DLGAP3: variants seen among roughly 807,000 people sequenced by gnomAD.
DLGAP3 encodes DLG associated protein 3, also known as disks large-associated protein 3.
Under a neutral mutation model 81.2 loss-of-function variants are expected in DLGAP3, and 17 were observed. That is an observed-to-expected ratio of 0.21 (90% CI 0.14 to 0.31). The LOEUF is 0.31. Among genes scored for constraint, DLGAP3 ranks in the 10% least tolerant of loss-of-function variants. DLGAP3 has a pLI of 1.00. For synonymous variants in DLGAP3, 577 were observed against 587.4 expected, an observed-to-expected ratio of 0.98 and a Z score of 0.26; for missense variants, 1,124 against 1,388.0, an observed-to-expected ratio of 0.81 and a Z score of 3.02.
In DLGAP3 at chr1:34,886,157, C is replaced by T. The variant is rs1425546348; in HGVS notation, c.1515G>A (p.Arg505=). 5 of 1,609,960 alleles carry T rather than the reference C, an allele frequency of 3.1e-6. No homozygotes were observed. Among genetic ancestry groups the T allele is most frequent in the Non-Finnish European group, 4.2e-6 (5 of 1,178,916 alleles). Residue 505 remains arginine, a synonymous_variant, in exon 6 of 12, where the codon CGG becomes CGA. Transcript: ENST00000373347. ...CTTGAGAGCAGCCGGCCTGGATGGC[C>T]CGGAGGTAGCTGTGGCTCCGCATGC... ...CFRMRSHSYL[R]AIQAGCSQDD... is the part of the protein sequence containing the mutation.
At chr1:34,906,369 C>T (rs1296241475) in intron 2 of DLGAP3, among the ~76,000 whole-genome samples, 1 of 151,986 alleles carries the variant, frequency 6.6e-6, no homozygotes, top group East Asian at 1.9e-4. Context: ...GCCTCAGGGT[C>T]ACAGCTCCCA....
intron 8 of DLGAP3, among the ~76,000 whole-genome samples, chr1:34,884,095 T>G (rs1481730554): frequency 6.6e-6 from 1 of 151,992 alleles, no homozygotes; most frequent in African/African-American, 2.4e-5. Flanking sequence ...ATTTTTGTAT[T>G]TTTAGTAGAG....
rs530949578 is a variant in DLGAP3, at chr1:34,886,361, G to A, written c.1387-76C>T. 5.4e-5 allele frequency: 73 copies of A among 1,359,660 alleles called. 2 individuals are homozygous for A. In the Admixed American group the frequency reaches 9.2e-4, roughly 17 times the overall value. The allele number at this position is 1,359,660 out of a possible 1,614,324, so 84.2% of individuals were successfully genotyped here. The stretch of plus-strand genomic sequence containing the variant: ...GAAGTCCCTGGGGTGCTCTGCCTTA[G>A]GGGAAGACCTCTCTATATCTGCAGA... On this transcript the variant is annotated intron_variant, in intron 5 of 11. Coordinates refer to ENST00000373347, the MANE Select transcript of DLGAP3 (RefSeq NM_001080418.3).
Position 34,885,716 on chromosome 1 carries a change from T to C in DLGAP3, c.1676A>G (p.Gln559Arg), listed in dbSNP as rs770643590. Residue 559 changes from glutamine to arginine, a missense_variant, in exon 7 of 12, where the codon CAG becomes CGG. Coordinates refer to ENST00000373347, the MANE Select transcript of DLGAP3 (RefSeq NM_001080418.3). ...QAPPRISITA[Q>R]SSTDSAHESF... ...CTCGTGCGCGGAGTCGGTGCTGCTC[T>C]GGGCGGTGATGGAGATGCGGGGCGG... The C allele has an allele frequency of 7.7e-6, 11 of 1,420,364 alleles. No individual in the cohort carries two copies. Among genetic ancestry groups the C allele is most frequent in the Non-Finnish European group, 1.0e-5 (11 of 1,096,128 alleles). 88.0% of individuals were successfully genotyped at this position (1,420,364 alleles called of 1,614,324 possible).
intron 8 of DLGAP3, among the ~76,000 whole-genome samples, chr1:34,879,304 T>C (rs766281289): frequency 9.2e-5 from 14 of 152,148 alleles, no homozygotes; most frequent in Non-Finnish European, 1.5e-4. Context: ...GGGAGACAGA[T>C]TATCAAACAT....
chr1:34,885,817 A>C (rs1639216557), intron 6 of DLGAP3, 26 bp from the exon 7 acceptor site: 1 of 1,392,914 alleles, frequency 7.2e-7, no homozygotes, highest in Non-Finnish European at 9.3e-7. Flanking sequence ...GCAGAGACGC[A>C]GTGGGTGAGG....
chr1:34,887,458 G>T (rs1029702080), intron 5 of DLGAP3, among the ~76,000 whole-genome samples: 3 of 151,876 alleles, frequency 2.0e-5, no homozygotes, highest in Non-Finnish European at 2.9e-5. Context: ...AAATTTTGTT[G>T]GTGGAACTGT....
intron 5 of DLGAP3, among the ~76,000 whole-genome samples, chr1:34,892,936 G>C (rs1187510610): frequency 1.3e-5 from 2 of 152,082 alleles, no homozygotes; most frequent in Non-Finnish European, 2.9e-5. Context: ...ACTTTGGGAG[G>C]CCGAGGTGGG....
In DLGAP3 at chr1:34,869,031, G is replaced by C. The variant is rs1407947705; in HGVS notation, c.2059C>G (p.Leu687Val). 5.6e-6 allele frequency: 9 copies of C among 1,601,782 alleles called. No individual in the cohort carries two copies. The highest frequency in any genetic ancestry group is 7.6e-6 in the Non-Finnish European group (9 of 1,179,240). ...GTGGCCAGGCCTGCCAGGCCCTCCA[G>C]CTCCAGGTCTGCCTGCACGCCAGCC... ...VTAGVQADLE[L>V]EGLAGLATVA... The change falls in exon 9 of 12, where the codon CTG (leucine) becomes GTG (valine). Residue 687 changes from leucine to valine, a missense_variant. Transcript: ENST00000373347.
chr1:34,886,976 A>G (rs1457515232), intron 5 of DLGAP3, among the ~76,000 whole-genome samples: 2 of 86,828 alleles, frequency 2.3e-5, no homozygotes, highest in Non-Finnish European at 4.3e-5. Context: ...TTTTTTTGAG[A>G]CAGAGTCTCG....
At chr1:34,879,834 A>AG (rs1180366349) in intron 8 of DLGAP3, among the ~76,000 whole-genome samples, 2 of 152,190 alleles carry the variant, frequency 1.3e-5, no homozygotes, top group Non-Finnish European at 2.9e-5. Flanking sequence ...TATAGTTATA[A>AG]GGGAAATTAT....
intron 8 of DLGAP3, among the ~76,000 whole-genome samples, chr1:34,879,885 G>A (rs1639120362): frequency 6.6e-6 from 1 of 152,034 alleles, no homozygotes; most frequent in South Asian, 2.1e-4. Context: ...AATATTGAAA[G>A]TTAGGGATGA....
intron 8 of DLGAP3, among the ~76,000 whole-genome samples, chr1:34,879,722 A>T (rs1639118131): frequency 6.6e-6 from 1 of 152,196 alleles, no homozygotes; most frequent in South Asian, 2.1e-4. Context: ...ATAGGTTAAA[A>T]AGGAAATTAC....
Position 34,902,024 on chromosome 1 carries a change from C to T in DLGAP3, c.1108-1751G>A, listed in dbSNP as rs866179008. On this transcript the variant is annotated intron_variant, in intron 3 of 11. Coordinates refer to ENST00000373347, the MANE Select transcript of DLGAP3 (RefSeq NM_001080418.3). This position sits in a 1 kb window ranked among gnomAD's most constrained non-coding sequence, Gnocchi z 4.4. The stretch of plus-strand genomic sequence containing the variant: ...CCTGGGATGGGTGGTCCCAGCTTTT[C>T]CTATGAGCCAAGGAAGGGGACGAGG... Among the ~76,000 whole-genome samples the T allele has an allele frequency of 1.1e-4, 16 of 152,146 alleles. No individual in the cohort carries two copies. Among genetic ancestry groups the T allele is most frequent in the Middle Eastern group, 3.4e-3 (1 of 294 alleles).
intron 1 of DLGAP3, among the ~76,000 whole-genome samples, chr1:34,909,805 C>T (rs1639613452): frequency 6.6e-6 from 1 of 152,128 alleles, no homozygotes; most frequent in Non-Finnish European, 1.5e-5. Context: ...AATCCACCAC[C>T]ATGCTCTATG....
chr1:34,866,086 C>A lies in DLGAP3; in HGVS notation c.2937G>T (p.Leu979=). 1 of 1,597,532 alleles carries A rather than the reference C, an allele frequency of 6.3e-7. No homozygotes were observed. Among genetic ancestry groups the A allele is most frequent in the South Asian group, 1.1e-5 (1 of 90,720 alleles). ...CGGGCTGGGCGGGCCGGACCGGTCA[C>A]AGCCTGGTCTGGGCCTCGGGGATGT... ...EIYIPEAQTR[L] Residue 979 remains leucine, a synonymous_variant, in exon 12 of 12, where the codon CTG becomes CTT. Transcript: ENST00000373347.
chr1:34,867,270 C>G lies in DLGAP3; in HGVS notation c.2578-79G>C. On this transcript the variant is annotated intron_variant, in intron 10 of 11. Coordinates refer to ENST00000373347, the MANE Select transcript of DLGAP3 (RefSeq NM_001080418.3). The surrounding 1 kb of genome is among the most constrained non-coding windows in gnomAD (Gnocchi z 4.3). ...AGCCAGGACAAGAGAAAGTCCTATCCACCCTTACTGCCAGGAAGCTCAGCC... is the reference window on the plus strand; with the variant it reads ...AGCCAGGACAAGAGAAAGTCCTATCGACCCTTACTGCCAGGAAGCTCAGCC... The G allele has an allele frequency of 6.3e-7, 1 of 1,588,658 alleles. No individual in the cohort carries two copies. Among genetic ancestry groups the G allele is most frequent in the African/African-American group, 1.3e-5 (1 of 74,584 alleles).
chr1:34,910,031 G>A (rs552472637), intron 1 of DLGAP3, among the ~76,000 whole-genome samples: 4 of 152,224 alleles, frequency 2.6e-5, no homozygotes, highest in African/African-American at 4.8e-5. Flanking sequence ...TGACCAAAGG[G>A]GTAGGAATTG....
In DLGAP3 at chr1:34,905,418, C is replaced by T; in HGVS notation, c.-35G>A. On this transcript the variant is annotated 5_prime_UTR_variant, in exon 3 of 12. The change creates a premature stop within an existing upstream ORF in the 5' untranslated region. Coordinates refer to ENST00000373347, the MANE Select transcript of DLGAP3 (RefSeq NM_001080418.3). ...AAAGGCTCTTCATAGTCTTGGGGGCCAGGCCCCAGGAACCTCCTGGAAAAA... is the reference window on the plus strand; with the variant it reads ...AAAGGCTCTTCATAGTCTTGGGGGCTAGGCCCCAGGAACCTCCTGGAAAAA... The T allele has an allele frequency of 1.4e-5, 22 of 1,528,566 alleles. No homozygotes were observed. The highest frequency in any genetic ancestry group is 1.8e-5 in the Non-Finnish European group (21 of 1,135,692). The allele number at this position is 1,528,566 out of a possible 1,614,324, so 94.7% of individuals were successfully genotyped here. A position where few individuals can be genotyped will look rare whatever the true frequency, so the allele number is the denominator to read the frequency against.
Sources: allele counts gnomAD v4.1 joint callset (sites outside exome capture counted in the v4.1 genomes callset), GRCh38; gene constraint gnomAD v4.1.1; non-coding constraint Gnocchi (gnomAD v3.1); transcripts MANE v1.5; gene names NCBI Gene and HGNC (gene_info 2026-07-23, HGNC 2026-07-21).